The following MAST4 variants were observed in gnomAD, a reference collection of about 807,000 sequenced individuals.
The protein encoded by MAST4 is microtubule-associated serine/threonine-protein kinase 4.
MAST4 carries 89 observed loss-of-function variants against 162.7 expected under a neutral mutation model. That is an observed-to-expected ratio of 0.55 (90% CI 0.46 to 0.65). The LOEUF is 0.65. Among genes scored for constraint, MAST4 ranks in the 30% least tolerant of loss-of-function variants. MAST4 has a pLI of 0.00. For synonymous variants in MAST4, 1,479 were observed against 1,361.1 expected, an observed-to-expected ratio of 1.09 and a Z score of -1.91; for missense variants, 3,153 against 3,374.0, an observed-to-expected ratio of 0.93 and a Z score of 1.62.
chr5:66,727,494 TTCAC>T (rs1241042561), intron 1 of MAST4, among the ~76,000 whole-genome samples: 1 of 152,124 alleles, frequency 6.6e-6, no homozygotes, highest in African/African-American at 2.4e-5. Context: ...CCAGACACCT[TTCAC>T]TCAGTGGAGG....
intron 1 of MAST4, among the ~76,000 whole-genome samples, chr5:66,612,614 A>C (rs972934581): frequency 2.0e-5 from 3 of 152,200 alleles, no homozygotes; most frequent in Non-Finnish European, 2.9e-5. Flanking sequence ...CAGAGCACAC[A>C]CAGTGACTCG....
At chr5:66,731,890 G>A (rs1751879316) in intron 1 of MAST4, among the ~76,000 whole-genome samples, 1 of 151,942 alleles carries the variant, frequency 6.6e-6, no homozygotes, top group Admixed American at 6.6e-5. Context: ...AGCCACCCTT[G>A]CTCCCCACAA....
At chr5:66,879,369 T>C (rs989822054) in intron 3 of MAST4, among the ~76,000 whole-genome samples, 9 of 151,390 alleles carry the variant, frequency 5.9e-5, no homozygotes, top group African/African-American at 2.2e-4. Flanking sequence ...CACATATATA[T>C]ATATATATAT....
chr5:66,816,320 C>T (rs1373897571), intron 3 of MAST4, among the ~76,000 whole-genome samples: 1 of 151,876 alleles, frequency 6.6e-6, no homozygotes, highest in Non-Finnish European at 1.5e-5. Flanking sequence ...TTAGGGAAGC[C>T]AAAAGACTGG....
intron 4 of MAST4, among the ~76,000 whole-genome samples, chr5:67,013,470 A>C (rs1462736435): frequency 6.6e-6 from 1 of 152,222 alleles, no homozygotes; most frequent in East Asian, 1.9e-4. Context: ...TATTTGTTGA[A>C]GCTATCAAAC....
At chr5:67,152,372 A>G (rs1052256797) in intron 24 of MAST4, among the ~76,000 whole-genome samples, 1 of 152,396 alleles carries the variant, frequency 6.6e-6, no homozygotes. Context: ...AAATTATAAC[A>G]TGAGAGTATT....
At chr5:66,718,333 C>T (rs75396171) in intron 1 of MAST4, among the ~76,000 whole-genome samples, 2,819 of 151,734 alleles carry the variant, frequency 0.019, 89 homozygotes, top group African/African-American at 0.063. Context: ...ATGATGTCAT[C>T]TTGCTCCTTA....
At chr5:66,694,829 CTT>C (rs939955561) in intron 1 of MAST4, among the ~76,000 whole-genome samples, 7 of 152,136 alleles carry the variant, frequency 4.6e-5, no homozygotes, top group African/African-American at 1.7e-4. Flanking sequence ...GCATAAATGT[CTT>C]ATATTGAGAA....
At chr5:67,051,836 A>T (rs1196235772) in intron 4 of MAST4, among the ~76,000 whole-genome samples, 5 of 152,188 alleles carry the variant, frequency 3.3e-5, no homozygotes, top group African/African-American at 1.2e-4. Flanking sequence ...TACATATGGA[A>T]ATATATCAGC....
chr5:67,004,937 C>G, intron 4 of MAST4: 1 of 697,050 alleles, frequency 1.4e-6, no homozygotes, highest in Admixed American at 2.1e-5. Context: ...TTTTTTTTAC[C>G]TCTCCCCATT....
chr5:66,641,418 A>G (rs1745481876), intron 1 of MAST4, among the ~76,000 whole-genome samples: 1 of 152,104 alleles, frequency 6.6e-6, no homozygotes, highest in Non-Finnish European at 1.5e-5. Flanking sequence ...CAGCCTCCCA[A>G]AGTGCTGGGA....
Position 66,845,085 on chromosome 5 carries a change from TTATATATATATATATATATA to T in MAST4, c.643-54843_643-54824del, listed in dbSNP as rs752796951. 4.3e-4 allele frequency among the ~76,000 whole-genome samples: 25 copies of T among 57,972 alleles called. 1 individual carries two copies. Among genetic ancestry groups the T allele is most frequent in the African/African-American group, 1.1e-3 (16 of 14,118 alleles). The allele number at this position is 57,972 out of a possible 152,430, so 38.0% of individuals were successfully genotyped here. A position where few individuals can be genotyped will look rare whatever the true frequency, so the allele number is the denominator to read the frequency against. On this transcript the variant is annotated intron_variant, in intron 3 of 28. Transcript: ENST00000403625. ...ACTGACCCATTAAGGTCACTAATCT[TTATATATATATATATATATA>T]TATATATATATATATATATATACAC...
intron 1 of MAST4, among the ~76,000 whole-genome samples, chr5:66,672,212 T>C (rs559913186): frequency 1.7e-4 from 26 of 152,352 alleles, no homozygotes; most frequent in South Asian, 1.4e-3. Flanking sequence ...ACCCAGATCA[T>C]GTGTGCATAT....
intron 1 of MAST4, among the ~76,000 whole-genome samples, chr5:66,720,352 A>T (rs1751119804): frequency 6.6e-6 from 1 of 151,850 alleles, no homozygotes; most frequent in African/African-American, 2.4e-5. Context: ...ATTAAAAAAA[A>T]TTTGATAGTG....
chr5:66,837,022 T>TCGTGTGTGTGTGTGTGTGTGTGTGTGTG (rs1758016396), intron 3 of MAST4, among the ~76,000 whole-genome samples: 1 of 68,452 alleles, frequency 1.5e-5, no homozygotes, highest in South Asian at 7.2e-4. Context: ...CCATGCAGGA[T>TCGTGTGTGTGTGTGTGTGTGTGTGTGTG]CATGTGTGTG....
chr5:66,881,351 T>C (rs1181474978), intron 3 of MAST4, among the ~76,000 whole-genome samples: 2 of 152,208 alleles, frequency 1.3e-5, no homozygotes, highest in Non-Finnish European at 2.9e-5. Context: ...ATTATGGCTA[T>C]TAAGATTTCA....
At chr5:66,781,198 G>C (rs1754854328) in intron 2 of MAST4, among the ~76,000 whole-genome samples, 2 of 152,134 alleles carry the variant, frequency 1.3e-5, no homozygotes, top group African/African-American at 4.8e-5. Flanking sequence ...TACTTCCTTT[G>C]TGGATTTACC....
chr5:67,054,465 C>CCACA lies in MAST4; in HGVS notation c.738_741dup (p.Ser248ThrfsTer11). On this transcript the variant is annotated frameshift_variant, in exon 5 of 29. Coordinates refer to ENST00000403625, the MANE Select transcript of MAST4 (RefSeq NM_001164664.2). LOFTEE classifies it high-confidence loss of function. Reference sequence around the variant, plus strand: ...TGGGCAGTCACCAGCATTGCCTCGACCACACTCACCTCTCTCTGCTCATGC... The same window carrying CCACA: ...TGGGCAGTCACCAGCATTGCCTCGACCACACACACTCACCTCTCTCTGCTCATGC... The CCACA allele has an allele frequency of 6.2e-7, 1 of 1,611,106 alleles. No individual in the cohort carries two copies. The highest frequency in any genetic ancestry group is 8.5e-7 in the Non-Finnish European group (1 of 1,178,674).
At chr5:67,036,134 TAG>T (rs1045872253) in intron 4 of MAST4, among the ~76,000 whole-genome samples, 1 of 152,136 alleles carries the variant, frequency 6.6e-6, no homozygotes, top group Non-Finnish European at 1.5e-5. Context: ...AGACTTGGTA[TAG>T]AGGAAGGAAA....
Sources: allele counts gnomAD v4.1 joint callset (sites outside exome capture counted in the v4.1 genomes callset), GRCh38; gene constraint gnomAD v4.1.1; transcripts MANE v1.5; gene names NCBI Gene and HGNC (gene_info 2026-07-23, HGNC 2026-07-21).